The following RALGAPA2 variants were observed in gnomAD, a reference collection of about 807,000 sequenced individuals.
RALGAPA2 encodes the protein Ral GTPase activating protein catalytic subunit alpha 2, also known as ral GTPase-activating protein subunit alpha-2.
In RALGAPA2, 139 loss-of-function variants were observed where a neutral mutation model predicts 230.4. The ratio of observed to expected loss-of-function variants is 0.60; its 90% confidence interval spans 0.53 to 0.69. The LOEUF is 0.69. Among genes scored for constraint, RALGAPA2 ranks in the 30% least tolerant of loss-of-function variants. RALGAPA2 has a pLI of 0.00. For missense variants in RALGAPA2, 2,163 were observed against 2,276.0 expected (o/e 0.95, Z 1.01); for synonymous variants, 847 against 837.8 (o/e 1.01, Z -0.19).
chr20:20,506,123 C>G (rs938876637), intron 33 of RALGAPA2, among the ~76,000 whole-genome samples: 1 of 152,052 alleles, frequency 6.6e-6, no homozygotes, highest in Admixed American at 6.5e-5. Context: ...AACTTCTGTA[C>G]TCTGACTATT....
chr20:20,399,319 G>A (rs976662645), intron 38 of RALGAPA2, among the ~76,000 whole-genome samples: 3 of 147,572 alleles, frequency 2.0e-5, no homozygotes, highest in African/African-American at 7.5e-5. Flanking sequence ...ACTACATCCT[G>A]GGCAATAGAG....
chr20:20,412,580 A>C (rs1379737038), intron 37 of RALGAPA2, among the ~76,000 whole-genome samples: 1 of 152,216 alleles, frequency 6.6e-6, no homozygotes, highest in African/African-American at 2.4e-5. Flanking sequence ...ACGACAGTGC[A>C]GACGCTTCTT....
In RALGAPA2 at chr20:20,432,732, GA is replaced by G. The variant is rs968476646; in HGVS notation, c.5496-20585del. The stretch of plus-strand genomic sequence containing the variant: ...CTATTTATTTATTTAGAATGATTTT[GA>G]AAAAAAAAATGAATTCTAATCTCTC... On this transcript the variant is annotated intron_variant, in intron 37 of 39. Transcript: ENST00000202677. Among the ~76,000 whole-genome samples the G allele has an allele frequency of 1.5e-3, 217 of 146,726 alleles. 1 individual carries two copies. The highest frequency in any genetic ancestry group is 4.5e-3 in the African/African-American group (182 of 40,134).
In RALGAPA2 at chr20:20,429,077, T is replaced by A. The variant is rs543128614; in HGVS notation, c.5496-16929A>T. Among the ~76,000 whole-genome samples the A allele has an allele frequency of 8.5e-5, 13 of 152,272 alleles. No individual in the cohort carries two copies. The East Asian group carries it at 2.5e-3, about 29-fold the overall frequency. ...GCTACCCAATGTTGGTGCAGTTGGCTGCCACTCATGAAGCTCTTTGTAGCC... is the reference window on the plus strand; with the variant it reads ...GCTACCCAATGTTGGTGCAGTTGGCAGCCACTCATGAAGCTCTTTGTAGCC... On this transcript the variant is annotated intron_variant, in intron 37 of 39. Transcript: ENST00000202677.
intron 38 of RALGAPA2, among the ~76,000 whole-genome samples, chr20:20,403,807 G>T (rs1327929131): frequency 6.6e-6 from 1 of 152,210 alleles, no homozygotes; most frequent in Non-Finnish European, 1.5e-5. Context: ...AGCAGCACTG[G>T]CAAGGCAAGG....
chr20:20,571,614 CT>C lies in RALGAPA2; in HGVS notation c.3001-2del. The C allele has an allele frequency of 6.2e-7, 1 of 1,607,766 alleles. No individual in the cohort carries two copies. Among genetic ancestry groups the C allele is most frequent in the Non-Finnish European group, 8.5e-7 (1 of 1,177,074 alleles). Reference sequence around the variant, plus strand: ...TATATTCATTTGGCAGTGTCGCCGCCTGTCAAGGAGATGATGTTTCCAGATT... The same window carrying C: ...TATATTCATTTGGCAGTGTCGCCGCCGTCAAGGAGATGATGTTTCCAGATT... On this transcript the variant is annotated splice_acceptor_variant, in intron 22 of 39. Transcript: ENST00000202677. LOFTEE classifies it high-confidence loss of function.
intron 23 of RALGAPA2, among the ~76,000 whole-genome samples, chr20:20,563,963 C>G (rs1222308630): frequency 6.6e-6 from 1 of 152,110 alleles, no homozygotes; most frequent in Non-Finnish European, 1.5e-5. Context: ...CCCTCATTAC[C>G]TTGCCCCTGG....
At chr20:20,609,027 C>T (rs1019555106) in intron 14 of RALGAPA2, among the ~76,000 whole-genome samples, 3 of 152,140 alleles carry the variant, frequency 2.0e-5, no homozygotes, top group Admixed American at 6.5e-5. Flanking sequence ...CAGGGTCTTG[C>T]TCTTTTGACC....
At chr20:20,701,655 G>A in intron 1 of RALGAPA2, among the ~76,000 whole-genome samples, 1 of 152,136 alleles carries the variant, frequency 6.6e-6, no homozygotes, top group African/African-American at 2.4e-5. Flanking sequence ...GCTAGAACGG[G>A]GGAGGTGAAG....
chr20:20,531,912 T>A, intron 26 of RALGAPA2, 117 bp from the exon 27 acceptor site: 3 of 845,082 alleles, frequency 3.5e-6, no homozygotes, highest in South Asian at 3.8e-5. Context: ...ATATTATAGA[T>A]CTATTAGCAG....
intron 24 of RALGAPA2, among the ~76,000 whole-genome samples, chr20:20,542,161 T>C (rs2063661159): frequency 6.6e-6 from 1 of 152,164 alleles, no homozygotes; most frequent in African/African-American, 2.4e-5. Context: ...CATTCACAAC[T>C]GCTACGAAGA....
intron 37 of RALGAPA2, among the ~76,000 whole-genome samples, chr20:20,446,931 A>C (rs775190914): frequency 9.9e-5 from 15 of 152,226 alleles, no homozygotes; most frequent in Non-Finnish European, 1.8e-4. Context: ...AGTTCTGCTA[A>C]GTTTTAGTTT....
chr20:20,496,301 C>T (rs2062202462), intron 35 of RALGAPA2, among the ~76,000 whole-genome samples: 1 of 152,104 alleles, frequency 6.6e-6, no homozygotes, highest in African/African-American at 2.4e-5. Context: ...TAAGAACACC[C>T]TTGATCAATC....
intron 37 of RALGAPA2, among the ~76,000 whole-genome samples, chr20:20,462,208 T>C (rs1333857670): frequency 1.3e-5 from 2 of 152,176 alleles, no homozygotes; most frequent in African/African-American, 4.8e-5. Flanking sequence ...ATACAGAATA[T>C]CAGGTGTAGG....
chr20:20,646,055 C>CT (rs386393507), intron 4 of RALGAPA2, among the ~76,000 whole-genome samples: 15,071 of 145,814 alleles, frequency 0.1, 903 homozygotes, highest in African/African-American at 0.17. Context: ...CTCTGTAGGG[C>CT]TTTTTTTTTT....
At chr20:20,426,461 G>A (rs1158643713) in intron 37 of RALGAPA2, among the ~76,000 whole-genome samples, 3 of 152,192 alleles carry the variant, frequency 2.0e-5, no homozygotes, top group African/African-American at 4.8e-5. Context: ...AGGTCTACGT[G>A]TTTGAGTGGG....
At chr20:20,502,906 C>T (rs2062419332) in intron 35 of RALGAPA2, among the ~76,000 whole-genome samples, 1 of 152,124 alleles carries the variant, frequency 6.6e-6, no homozygotes, top group Admixed American at 6.5e-5. Flanking sequence ...GGGGAGGTTC[C>T]TCAGGGGTGG....
chr20:20,438,302 G>C (rs1387000288), intron 37 of RALGAPA2, among the ~76,000 whole-genome samples: 2 of 152,146 alleles, frequency 1.3e-5, no homozygotes, highest in Admixed American at 6.5e-5. Flanking sequence ...CCTACTACTA[G>C]AGCTTGGTAT....
intron 23 of RALGAPA2, among the ~76,000 whole-genome samples, chr20:20,557,083 G>A (rs111968323): frequency 0.011 from 1,668 of 152,292 alleles, 25 homozygotes; most frequent in African/African-American, 0.038. Flanking sequence ...GCCGAGGTGG[G>A]TGGATCACCT....
Sources: gnomAD v4.1 joint callset for allele counts (sites outside exome capture counted in the v4.1 genomes callset) on GRCh38, gnomAD v4.1.1 for gene constraint, MANE v1.5 for transcripts, NCBI Gene and HGNC (gene_info 2026-07-23, HGNC 2026-07-21) for gene names.